GLIPR1L1: variants seen among roughly 807,000 people sequenced by gnomAD.
The protein encoded by GLIPR1L1 is GLIPR1-like protein 1.
A neutral mutation model predicts 29.9 loss-of-function variants in GLIPR1L1; 26 were observed. The observed-to-expected ratio is 0.87, with a 90% CI of 0.64 to 1.21. The LOEUF (loss-of-function observed/expected upper bound fraction) is 1.21. Ranked by LOEUF, GLIPR1L1 falls within the 50% of genes most tolerant of loss-of-function variation. The probability of loss-of-function intolerance (pLI) is 0.00; values close to 1 mark genes in which losing one functional copy is unlikely to be tolerated. For missense variants in GLIPR1L1, 305 were observed against 290.3 expected, an observed-to-expected ratio of 1.05 and a Z score of -0.37; for synonymous variants, 77 against 97.5, an observed-to-expected ratio of 0.79 and a Z score of 1.24.
chr12:75,353,794 C>A (rs963050215), intron 3 of GLIPR1L1, among the ~76,000 whole-genome samples: 2 of 152,150 alleles, frequency 1.3e-5, no homozygotes, highest in African/African-American at 4.8e-5. Flanking sequence ...TTATCCATCA[C>A]AATCAAGTTG....
chr12:75,344,059 T>C, intron 2 of GLIPR1L1, 121 bp downstream of exon 2: 1 of 757,458 alleles, frequency 1.3e-6, no homozygotes. Flanking sequence ...TTTTCCTTTA[T>C]CATAGGTCTT....
At chr12:75,363,505 T>C (rs1460646905) in intron 4 of GLIPR1L1, among the ~76,000 whole-genome samples, 1 of 152,196 alleles carries the variant, frequency 6.6e-6, no homozygotes, top group Non-Finnish European at 1.5e-5. Flanking sequence ...GACCTCTTGT[T>C]ATTAGTTATT....
At chr12:75,351,509 A>G (rs2042808074) in intron 3 of GLIPR1L1, among the ~76,000 whole-genome samples, 1 of 152,042 alleles carries the variant, frequency 6.6e-6, no homozygotes, top group South Asian at 2.1e-4. Context: ...CCTAAAAACC[A>G]GAAGAGATTG....
intron 4 of GLIPR1L1, among the ~76,000 whole-genome samples, chr12:75,367,267 GGA>G (rs1491348336): frequency 4.0e-4 from 25 of 62,422 alleles, no homozygotes; most frequent in Admixed American, 2.9e-3. Context: ...CTTCCTAGGA[GGA>G]AAAAAAAAAA....
intron 1 of GLIPR1L1, among the ~76,000 whole-genome samples, chr12:75,336,697 G>A (rs2139239506): frequency 1.3e-5 from 2 of 151,858 alleles, no homozygotes; most frequent in Non-Finnish European, 3.0e-5. Context: ...AACAGTCATA[G>A]AGATTTTAAT....
intron 2 of GLIPR1L1, among the ~76,000 whole-genome samples, chr12:75,347,285 G>A (rs2139391817): frequency 6.6e-6 from 1 of 152,082 alleles, no homozygotes; most frequent in South Asian, 2.1e-4. Flanking sequence ...CATATTGTTT[G>A]TATGATATTC....
intron 4 of GLIPR1L1, among the ~76,000 whole-genome samples, chr12:75,363,420 A>G (rs915023429): frequency 1.3e-5 from 2 of 152,162 alleles, no homozygotes; most frequent in African/African-American, 4.8e-5. Context: ...AATGAGGTAC[A>G]ACCATGATTC....
intron 3 of GLIPR1L1, among the ~76,000 whole-genome samples, chr12:75,355,733 C>T (rs777742859): frequency 6.6e-6 from 1 of 152,132 alleles, no homozygotes; most frequent in African/African-American, 2.4e-5. Flanking sequence ...AACCTAAATG[C>T]CCATCAATGA....
intron 3 of GLIPR1L1, among the ~76,000 whole-genome samples, chr12:75,361,544 T>C (rs2043592252): frequency 6.6e-6 from 1 of 152,136 alleles, no homozygotes; most frequent in Non-Finnish European, 1.5e-5. Flanking sequence ...CAGCCCAAGC[T>C]GTACCTCAGC....
Position 75,370,142 on chromosome 12 carries a change from T to G in GLIPR1L1, c.695T>G (p.Phe232Cys). 1 of 1,599,656 alleles carries G rather than the reference T, an allele frequency of 6.3e-7. No homozygotes were observed. The change falls in exon 6 of 6, where the codon TTC becomes TGC. Residue 232 changes from phenylalanine (F) to cysteine (C), a missense_variant. Physicochemically the swap from Phe to Cys is radical, Grantham distance 205. Transcript: ENST00000378695. ...CCTCAGCAGACAGCCTTTAATCCAT[T>G]CAGCTTAGGTTTTCTTCTTCTGAGA... ...RAPQQTAFNP[F>C]SLGFLLLRIF
At chr12:75,336,555 G>A (rs548567558) in intron 1 of GLIPR1L1, among the ~76,000 whole-genome samples, 25 of 151,618 alleles carry the variant, frequency 1.6e-4, no homozygotes, top group African/African-American at 5.3e-4. Context: ...AGAACTACCA[G>A]AAATAAAAGG....
intron 4 of GLIPR1L1, among the ~76,000 whole-genome samples, chr12:75,367,941 C>T (rs1056236229): frequency 6.6e-6 from 1 of 152,116 alleles, no homozygotes; most frequent in Non-Finnish European, 1.5e-5. Context: ...CATTGGTCCT[C>T]ATAGCCAGGT....
chr12:75,335,455 T>G (rs1018216052), intron 1 of GLIPR1L1, among the ~76,000 whole-genome samples: 1 of 152,218 alleles, frequency 6.6e-6, no homozygotes, highest in African/African-American at 2.4e-5. Context: ...AATACTTGAC[T>G]ATGAATTGTA....
intron 3 of GLIPR1L1, among the ~76,000 whole-genome samples, chr12:75,351,777 C>T (rs1161044748): frequency 6.6e-6 from 1 of 152,154 alleles, no homozygotes; most frequent in Non-Finnish European, 1.5e-5. Flanking sequence ...GAACTCCTGA[C>T]CTCAGGTGAT....
intron 2 of GLIPR1L1, among the ~76,000 whole-genome samples, chr12:75,344,191 T>C (rs537888984): frequency 6.6e-6 from 1 of 152,230 alleles, no homozygotes; most frequent in East Asian, 1.9e-4. Flanking sequence ...GGCCATTGTT[T>C]CTGGAAATAC....
intron 1 of GLIPR1L1, among the ~76,000 whole-genome samples, chr12:75,337,900 A>T (rs1243256306): frequency 6.6e-6 from 1 of 152,062 alleles, no homozygotes; most frequent in Admixed American, 6.5e-5. Context: ...ACCCAATATA[A>T]ATCTTTTAAC....
chr12:75,354,419 T>TA (rs369074342), intron 3 of GLIPR1L1, among the ~76,000 whole-genome samples: 13 of 149,640 alleles, frequency 8.7e-5, no homozygotes, highest in East Asian at 2.0e-4. Context: ...GGAATACAGC[T>TA]AAAAAAAAAG....
At chr12:75,339,626 A>T (rs1229582954) in intron 1 of GLIPR1L1, among the ~76,000 whole-genome samples, 2 of 152,000 alleles carry the variant, frequency 1.3e-5, no homozygotes, top group Non-Finnish European at 2.9e-5. Flanking sequence ...TTTTGTTGCA[A>T]TTGCTTTTGA....
intron 3 of GLIPR1L1, among the ~76,000 whole-genome samples, chr12:75,357,099 AGTATAAG>A (rs1329131017): frequency 6.6e-6 from 1 of 152,204 alleles, no homozygotes; most frequent in East Asian, 1.9e-4. Context: ...CTGAGGTGGT[AGTATAAG>A]TAAAGCCTAG....
Sources: gnomAD v4.1 joint callset for allele counts (sites outside exome capture counted in the v4.1 genomes callset) on GRCh38, gnomAD v4.1.1 for gene constraint, MANE v1.5 for transcripts, NCBI Gene and HGNC (gene_info 2026-07-23, HGNC 2026-07-21) for gene names.